PDE9A: variants seen among roughly 807,000 people sequenced by gnomAD.
PDE9A encodes the protein phosphodiesterase 9A.
A neutral mutation model predicts 87.4 loss-of-function variants in PDE9A; 60 were observed. The observed-to-expected ratio is 0.69, with a 90% CI of 0.56 to 0.85. The LOEUF (loss-of-function observed/expected upper bound fraction) is 0.85. Ranked by LOEUF, PDE9A falls within the 40% of genes least tolerant of loss-of-function variation. The probability of loss-of-function intolerance (pLI) is 0.00; values close to 1 mark genes in which losing one functional copy is unlikely to be tolerated. For synonymous variants in PDE9A, 272 were observed against 279.4 expected (o/e 0.97, Z 0.27); for missense variants, 665 against 779.0 (o/e 0.85, Z 1.74).
intron 7 of PDE9A, chr21:42,741,386 A>T (rs896132762): frequency 1.3e-5 from 2 of 152,242 alleles, no homozygotes; most frequent in African/African-American, 4.8e-5. Flanking sequence ...ACCCGGCTCC[A>T]AAGGAGAATG....
rs564225370 is a variant in PDE9A at position 42,722,993 on chromosome 21, G to T, written c.263-8777G>T. On this transcript the variant is annotated intron_variant, in intron 4 of 19. Coordinates refer to ENST00000291539, the MANE Select transcript of PDE9A (RefSeq NM_002606.3). This position sits in a 1 kb window ranked among gnomAD's most constrained non-coding sequence, Gnocchi z 4.1. Reference sequence around the variant, plus strand: ...AGGCAATGGCTTCTGGGCATCGTGTGGGGTGGGGGCAGCCCCTGCCCTGGA... The same window carrying T: ...AGGCAATGGCTTCTGGGCATCGTGTTGGGTGGGGGCAGCCCCTGCCCTGGA... 5.6e-4 allele frequency among the ~76,000 whole-genome samples: 85 copies of T among 152,350 alleles called. 1 individual carries two copies. Among genetic ancestry groups the T allele is most frequent in the African/African-American group, 2.0e-3 (83 of 41,582 alleles).
intron 14 of PDE9A, among the ~76,000 whole-genome samples, chr21:42,764,095 A>T (rs2056107195): frequency 2.0e-5 from 3 of 152,230 alleles, no homozygotes; most frequent in African/African-American, 7.2e-5. Flanking sequence ...TGAGTGTGAA[A>T]TGAGCAGGAG....
At chr21:42,747,720 G>A (rs1291659140) in intron 8 of PDE9A, among the ~76,000 whole-genome samples, 1 of 152,014 alleles carries the variant, frequency 6.6e-6, no homozygotes, top group Admixed American at 6.5e-5. Flanking sequence ...CTGGCCCCCA[G>A]CACTGTGCCA....
intron 4 of PDE9A, among the ~76,000 whole-genome samples, chr21:42,712,885 T>A (rs2049479041): frequency 6.6e-6 from 1 of 152,224 alleles, no homozygotes; most frequent in African/African-American, 2.4e-5. Context: ...GGGATGAGCA[T>A]ACATATGGTT....
chr21:42,743,729 A>G (rs6586344), intron 7 of PDE9A, 47 bp from the exon 8 acceptor site: 1,184,493 of 1,210,208 alleles, frequency 0.98, 580,257 homozygotes, highest in African/African-American at 1. Context: ...GAGATCCTCC[A>G]CATTCGTCCG....
At chr21:42,729,009 A>G (rs2051442158) in intron 4 of PDE9A, among the ~76,000 whole-genome samples, 2 of 151,842 alleles carry the variant, frequency 1.3e-5, no homozygotes, top group African/African-American at 4.8e-5. Flanking sequence ...CAAAAAAAAA[A>G]AAAAAAAAGA....
At position 42,770,608 on chromosome 21, in the gene PDE9A, G is replaced by A; in HGVS notation, c.1591-95G>A. ...TCCAGGAGCTGGGACTGGCCCAGAGGTTTCCGCACGGAGCACCTGACACCT... is the reference window on the plus strand; with the variant it reads ...TCCAGGAGCTGGGACTGGCCCAGAGATTTCCGCACGGAGCACCTGACACCT... On this transcript the variant is annotated intron_variant, in intron 17 of 19. Coordinates refer to ENST00000291539, the MANE Select transcript of PDE9A (RefSeq NM_002606.3). The A allele has an allele frequency of 5.5e-6, 5 of 905,954 alleles. No individual in the cohort carries two copies. In the Middle Eastern group the frequency reaches 8.7e-4, roughly 158 times the overall value. 56.1% of individuals were successfully genotyped at this position (905,954 alleles called of 1,614,324 possible). A position where few individuals can be genotyped will look rare whatever the true frequency, so the allele number is the denominator to read the frequency against.
chr21:42,698,494 G>GAT (rs2060261022), intron 3 of PDE9A, among the ~76,000 whole-genome samples: 1 of 152,082 alleles, frequency 6.6e-6, no homozygotes, highest in Non-Finnish European at 1.5e-5. Flanking sequence ...GCCTCGTGAT[G>GAT]ATGGGGGGAG....
chr21:42,769,319 A>C (rs1353104730), intron 17 of PDE9A, among the ~76,000 whole-genome samples, 164 bp downstream of exon 17: 2 of 151,252 alleles, frequency 1.3e-5, no homozygotes, highest in African/African-American at 4.9e-5. Context: ...ACATACACAT[A>C]TACACACACG....
chr21:42,679,923 C>CA (rs1226276926), intron 1 of PDE9A, among the ~76,000 whole-genome samples: 2 of 152,218 alleles, frequency 1.3e-5, no homozygotes, highest in Non-Finnish European at 2.9e-5. Flanking sequence ...GACTCTTTCT[C>CA]AAGCCAGTTC....
intron 7 of PDE9A, chr21:42,734,563 G>A (rs2269155): frequency 0.099 from 15,040 of 152,290 alleles, 944 homozygotes; most frequent in East Asian, 0.32. Context: ...TTGACTGAAT[G>A]TCGTCGCTTT....
intron 14 of PDE9A, among the ~76,000 whole-genome samples, chr21:42,764,644 A>T (rs1352433605): frequency 6.6e-6 from 1 of 152,238 alleles, no homozygotes; most frequent in Non-Finnish European, 1.5e-5. Context: ...ACACACCAGC[A>T]TTGGCCTGCT....
chr21:42,715,486 G>A (rs1699411056), intron 4 of PDE9A, among the ~76,000 whole-genome samples: 1 of 147,620 alleles, frequency 6.8e-6, no homozygotes, highest in African/African-American at 2.4e-5. Context: ...AATTAGCCAG[G>A]CGTCATGGCG....
intron 1 of PDE9A, among the ~76,000 whole-genome samples, chr21:42,671,206 G>A (rs1219224430): frequency 3.9e-5 from 6 of 152,190 alleles, no homozygotes; most frequent in Non-Finnish European, 4.4e-5. Flanking sequence ...CGTGGGGACA[G>A]GTGTTGAAGC....
In PDE9A at chr21:42,687,166, G is replaced by A. The variant is rs2059526815; in HGVS notation, c.141-751G>A. Among the ~76,000 whole-genome samples, 3 of 152,220 alleles carry A rather than the reference G, an allele frequency of 2.0e-5. No homozygotes were observed. In the South Asian group the frequency reaches 6.2e-4, roughly 31 times the overall value. On this transcript the variant is annotated intron_variant, in intron 2 of 19. Coordinates refer to ENST00000291539, the MANE Select transcript of PDE9A (RefSeq NM_002606.3). ...GGCTCAAGGATTAACTTTAAAGTTA[G>A]GACGGAGGTGGAGAAGGGCAATTGA...
chr21:42,749,619 G>A (rs1341308639), intron 8 of PDE9A, among the ~76,000 whole-genome samples: 4 of 152,230 alleles, frequency 2.6e-5, no homozygotes, highest in Non-Finnish European at 5.9e-5. Flanking sequence ...AACAGAGTCA[G>A]ACAGAAAACT....
chr21:42,667,773 C>T (rs1281324166), intron 1 of PDE9A, among the ~76,000 whole-genome samples: 1 of 152,118 alleles, frequency 6.6e-6, no homozygotes, highest in Non-Finnish European at 1.5e-5. Flanking sequence ...TCCCTCCTCC[C>T]GACCCCCTGC....
chr21:42,744,381 T>C (rs370437614), intron 8 of PDE9A, among the ~76,000 whole-genome samples: 23 of 151,908 alleles, frequency 1.5e-4, no homozygotes, highest in East Asian at 9.7e-4. Flanking sequence ...ATATTGGAGA[T>C]AGGGGCTGGG....
intron 4 of PDE9A, among the ~76,000 whole-genome samples, chr21:42,709,534 A>G (rs1251119249): frequency 1.3e-5 from 2 of 152,232 alleles, no homozygotes; most frequent in Non-Finnish European, 2.9e-5. Flanking sequence ...CCATCACCCT[A>G]GAAAAATGTC....
Sources: gnomAD v4.1 joint callset for allele counts (sites outside exome capture counted in the v4.1 genomes callset) on GRCh38, gnomAD v4.1.1 for gene constraint, Gnocchi (gnomAD v3.1) non-coding constraint, MANE v1.5 for transcripts, NCBI Gene and HGNC (gene_info 2026-07-23, HGNC 2026-07-21) for gene names.